Variants in DNM3 observed in about 807,000 individuals in gnomAD.
DNM3 encodes dynamin-3.
DNM3 carries 47 observed loss-of-function variants against 101.6 expected under a neutral mutation model. That is an observed-to-expected ratio of 0.46 (90% CI 0.37 to 0.59). The LOEUF (loss-of-function observed/expected upper bound fraction) is 0.59, where lower values mean the gene tolerates loss of function less well. Among genes scored for constraint, DNM3 ranks in the 20% least tolerant of loss-of-function variants. The pLI is 0.00. For missense variants in DNM3, 849 were observed against 1,085.7 expected, an observed-to-expected ratio of 0.78 and a Z score of 3.06; for synonymous variants, 385 against 387.9, an observed-to-expected ratio of 0.99 and a Z score of 0.09.
At chr1:172,372,674 ATTTTTTTTT>A (rs71107346) in intron 17 of DNM3, among the ~76,000 whole-genome samples, 874 of 79,062 alleles carry the variant, frequency 0.011, 6 homozygotes, top group Middle Eastern at 0.1. Context: ...CTTGTAATTA[ATTTTTTTTT>A]TTTTTTTTTT....
chr1:172,214,718 A>G (rs1334111434), intron 14 of DNM3, among the ~76,000 whole-genome samples: 1 of 152,168 alleles, frequency 6.6e-6, no homozygotes, highest in African/African-American at 2.4e-5. Context: ...GTAAATGCAT[A>G]GGAGTGTGGG....
rs150011961 is a variant in DNM3, at chr1:172,270,023, A to G, written c.1769+16341A>G. 4.8e-3 allele frequency among the ~76,000 whole-genome samples: 726 copies of G among 152,280 alleles called. 3 individuals are homozygous for G. Among genetic ancestry groups the G allele is most frequent in the African/African-American group, 0.017 (686 of 41,560 alleles). ...TGTTTTATTGACTATTGGAATAATC[A>G]GGTTTTTAGCAATAACATGTAGAAT... On this transcript the variant is annotated intron_variant, in intron 15 of 20. Coordinates refer to ENST00000627582, the MANE Select transcript of DNM3 (RefSeq NM_015569.5).
At chr1:172,123,386 T>A (rs980146729) in intron 13 of DNM3, among the ~76,000 whole-genome samples, 3 of 152,208 alleles carry the variant, frequency 2.0e-5, no homozygotes, top group Non-Finnish European at 4.4e-5. Flanking sequence ...CACTTACAAG[T>A]CACACCTGGG....
At chr1:172,415,527 T>TC, downstream of DNM3, among the ~76,000 whole-genome samples, 3 of 105,502 alleles carry the variant, frequency 2.8e-5, no homozygotes, top group Non-Finnish European at 6.3e-5. Context: ...TTTGTGAGTT[T>TC]TTTTTTTTTT....
intron 15 of DNM3, among the ~76,000 whole-genome samples, chr1:172,280,271 C>T (rs978617390): frequency 6.6e-6 from 1 of 152,140 alleles, no homozygotes; most frequent in Non-Finnish European, 1.5e-5. Context: ...TTCTTTTATC[C>T]TGCTCTATTT....
intron 10 of DNM3, 63 bp from the exon 11 acceptor site, chr1:172,068,756 C>G: frequency 7.4e-7 from 1 of 1,348,006 alleles, no homozygotes; most frequent in Non-Finnish European, 1.0e-6. Flanking sequence ...TAATTTATCT[C>G]TGCTTCTTTT....
chr1:172,061,446 C>G (rs937932657), intron 10 of DNM3, among the ~76,000 whole-genome samples: 4 of 150,552 alleles, frequency 2.7e-5, no homozygotes, highest in African/African-American at 7.4e-5. Flanking sequence ...TTGAAACCAA[C>G]CCAAATGTCC....
At chr1:172,080,762 C>A (rs1223746915) in intron 11 of DNM3, among the ~76,000 whole-genome samples, 1 of 152,178 alleles carries the variant, frequency 6.6e-6, no homozygotes. Context: ...GGTGTAGGCA[C>A]CCAAGGGAAT....
chr1:172,036,027 T>C (rs149284000), intron 6 of DNM3, among the ~76,000 whole-genome samples: 4,051 of 151,532 alleles, frequency 0.027, 81 homozygotes, highest in Middle Eastern at 0.085. Flanking sequence ...TATTATACTT[T>C]AAGTTTTAGG....
At chr1:172,240,772 T>C (rs1193965293) in intron 14 of DNM3, among the ~76,000 whole-genome samples, 1 of 152,158 alleles carries the variant, frequency 6.6e-6, no homozygotes, top group Non-Finnish European at 1.5e-5. Flanking sequence ...ATCCATAGCA[T>C]GTTACATGGA....
Position 172,400,132 on chromosome 1 carries a change from T to G in DNM3, c.2523-7640T>G, listed in dbSNP as rs545636735. ...CCTTTTTCCTCCCTATCCTTTCTTC[T>G]TTTTCCTTCTTCCTCCTGATTTCCT... On this transcript the variant is annotated intron_variant, in intron 20 of 20. Transcript: ENST00000627582. 2.9e-4 allele frequency among the ~76,000 whole-genome samples: 44 copies of G among 152,246 alleles called. 1 individual carries two copies. The South Asian group carries it at 6.8e-3, about 24-fold the overall frequency.
intron 13 of DNM3, among the ~76,000 whole-genome samples, chr1:172,109,263 C>T (rs1160757218): frequency 1.3e-5 from 2 of 152,132 alleles, no homozygotes; most frequent in African/African-American, 4.8e-5. Flanking sequence ...TCTTTCTTTT[C>T]CAGCAACTCT....
At chr1:172,076,664 G>A (rs764859306) in intron 11 of DNM3, among the ~76,000 whole-genome samples, 1 of 152,162 alleles carries the variant, frequency 6.6e-6, no homozygotes, top group Non-Finnish European at 1.5e-5. Context: ...CAGGGATGAA[G>A]CCGACTTGAT....
intron 17 of DNM3, among the ~76,000 whole-genome samples, chr1:172,340,235 A>C (rs1558017214): frequency 6.6e-6 from 1 of 152,158 alleles, no homozygotes; most frequent in Non-Finnish European, 1.5e-5. Context: ...TTTGGGTTAG[A>C]TTCCTTCTGG....
At chr1:172,320,373 A>G (rs1249557779) in intron 16 of DNM3, among the ~76,000 whole-genome samples, 1 of 143,892 alleles carries the variant, frequency 6.9e-6, no homozygotes, top group Non-Finnish European at 1.5e-5. Flanking sequence ...CCTAAATCTT[A>G]AAGTATAATA....
intron 13 of DNM3, among the ~76,000 whole-genome samples, chr1:172,108,739 A>C (rs541720295): frequency 6.6e-6 from 1 of 152,316 alleles, no homozygotes; most frequent in Admixed American, 6.5e-5. Context: ...CTGGTTTTAT[A>C]ATTGAACCTC....
intron 13 of DNM3, among the ~76,000 whole-genome samples, chr1:172,112,732 C>A (rs2147956232): frequency 1.3e-5 from 2 of 152,250 alleles, no homozygotes; most frequent in South Asian, 4.2e-4. Flanking sequence ...GCCCCACTTG[C>A]CACTTGTAAG....
At chr1:172,330,485 G>A (rs2066135692) in intron 17 of DNM3, among the ~76,000 whole-genome samples, 1 of 151,832 alleles carries the variant, frequency 6.6e-6, no homozygotes, top group Non-Finnish European at 1.5e-5. Flanking sequence ...CACTACCAGG[G>A]TACAAAATAC....
At chr1:172,022,786 T>C (rs919955726) in intron 4 of DNM3, among the ~76,000 whole-genome samples, 7 of 152,098 alleles carry the variant, frequency 4.6e-5, no homozygotes, top group Non-Finnish European at 7.4e-5. Context: ...CTCTTTTGAC[T>C]TCTCACTGTA....
Sources: gnomAD v4.1 joint callset for allele counts (sites outside exome capture counted in the v4.1 genomes callset) on GRCh38, gnomAD v4.1.1 for gene constraint, MANE v1.5 for transcripts, NCBI Gene and HGNC (gene_info 2026-07-23, HGNC 2026-07-21) for gene names.